Variants in TRMT10A observed in about 807,000 individuals in gnomAD.
TRMT10A encodes the protein tRNA methyltransferase 10 homolog A.
In TRMT10A, 37 loss-of-function variants were observed where a neutral mutation model predicts 40.4. That is an observed-to-expected ratio of 0.92 (90% CI 0.71 to 1.21). The LOEUF is 1.21. Among genes scored for constraint, TRMT10A ranks in the 50% most tolerant of loss-of-function variants. The pLI is 0.00. For synonymous variants in TRMT10A, 103 were observed against 134.1 expected (o/e 0.77, Z 1.60); for missense variants, 388 against 404.3 (o/e 0.96, Z 0.35).
Position 99,557,368 on chromosome 4 carries a change from G to A in TRMT10A, c.397C>T (p.Arg133Ter), listed in dbSNP as rs752374367. The change falls in exon 4 of 8, where the codon CGA (arginine) becomes TGA (stop). Residue 133 changes from arginine to a stop codon, truncating the protein, a stop_gained. Coordinates refer to ENST00000394876, the MANE Select transcript of TRMT10A (RefSeq NM_001134665.3). LOFTEE classifies it high-confidence loss of function. ...ACCTGCACAGGATGCAGTGCCCGTC[G>A]GTTTTCTGCGTAACATCGTTGAATC... ...KQIQRCYAEN[R>*]RALHPVQFYL... is the part of the protein sequence containing the mutation. 9 of 1,613,244 alleles carry A rather than the reference G, an allele frequency of 5.6e-6. No homozygotes were observed. Among genetic ancestry groups the A allele is most frequent in the Admixed American group, 1.7e-5 (1 of 59,952 alleles).
intron 1 of TRMT10A, among the ~76,000 whole-genome samples, chr4:99,562,031 C>A (rs567705806): frequency 6.6e-6 from 1 of 151,730 alleles, no homozygotes; most frequent in African/African-American, 2.4e-5. Context: ...ATTAGCCAGG[C>A]GTGGTAGTGG....
At position 99,553,886 on chromosome 4, in the gene TRMT10A, C is replaced by G; in HGVS notation, c.544G>C (p.Asp182His). The change falls in exon 6 of 8, where the codon GAC becomes CAC. Residue 182 changes from aspartate to histidine, a missense_variant. Coordinates refer to ENST00000394876, the MANE Select transcript of TRMT10A (RefSeq NM_001134665.3). ...EHYSELIKKE[D>H]LIYLTSDSPN... ...GAATCTGACGTAAGGTAAATCAGGT[C>G]TTCTTTCTTTATGAGTTCACTATAG... is the stretch of plus-strand genomic sequence containing the variant. 6.2e-7 allele frequency: 1 copy of G among 1,613,418 alleles called. No individual in the cohort carries two copies. Among genetic ancestry groups the G allele is most frequent in the South Asian group, 1.1e-5 (1 of 91,062 alleles).
At chr4:99,559,926 C>T (rs1307416582) in intron 1 of TRMT10A, among the ~76,000 whole-genome samples, 3 of 152,050 alleles carry the variant, frequency 2.0e-5, no homozygotes, top group Non-Finnish European at 4.4e-5. Flanking sequence ...ATATACATTA[C>T]GACCAACTTT....
chr4:99,555,510 T>C (rs1361515503), intron 5 of TRMT10A, among the ~76,000 whole-genome samples: 5 of 152,208 alleles, frequency 3.3e-5, no homozygotes, highest in Admixed American at 2.6e-4. Context: ...TTTTAAATAT[T>C]CTAGTATCCA....
Position 99,558,149 on chromosome 4 carries a change from T to C in TRMT10A, c.248A>G (p.Asn83Ser), listed in dbSNP as rs1009336925. Residue 83 changes from asparagine to serine, a missense_variant, in exon 3 of 8, where the codon AAC becomes AGC. By Grantham distance (46) the Asn-to-Ser change is conservative. Transcript: ENST00000394876. ...ACGTTTTCTGTCATGTCCATCTGAGTTTGGTTCCATTTGACATTGTCGCTC... is the reference window on the plus strand; with the variant it reads ...ACGTTTTCTGTCATGTCCATCTGAGCTTGGTTCCATTTGACATTGTCGCTC... The part of the protein sequence containing the change: ...KLERQCQMEP[N>S]SDGHDRKRVR... 1 of 1,611,202 alleles carries C rather than the reference T, an allele frequency of 6.2e-7. No homozygotes were observed. The highest frequency in any genetic ancestry group is 8.5e-7 in the Non-Finnish European group (1 of 1,179,046).
At chr4:99,552,477 C>T (rs1029807982) in intron 6 of TRMT10A, among the ~76,000 whole-genome samples, 2 of 152,108 alleles carry the variant, frequency 1.3e-5, no homozygotes, top group African/African-American at 4.8e-5. Flanking sequence ...GTGTAGTAGG[C>T]TATACCATCT....
intron 1 of TRMT10A, chr4:99,563,442 G>T (rs1438779845): frequency 6.1e-6 from 1 of 163,050 alleles, no homozygotes; most frequent in African/African-American, 2.4e-5. Flanking sequence ...GAAAAATGAG[G>T]TAAGGCAGCT....
rs1402438618 is a variant in TRMT10A at position 99,553,778 on chromosome 4, A to G, written c.645+7T>C. 6.3e-7 allele frequency: 1 copy of G among 1,587,990 alleles called. No homozygotes were observed. Reference sequence around the variant, plus strand: ...AAGCAAAAGCAAAAATAAAAATTTAATAGTACCTTGTGATGGTTGTGATCT... The same window carrying G: ...AAGCAAAAGCAAAAATAAAAATTTAGTAGTACCTTGTGATGGTTGTGATCT... On this transcript the variant is annotated splice_region_variant and intron_variant, in intron 6 of 7. Coordinates refer to ENST00000394876, the MANE Select transcript of TRMT10A (RefSeq NM_001134665.3).
rs761543234 is a variant in TRMT10A at position 99,549,208 on chromosome 4, A to C, written c.900T>G (p.Gly300=). Residue 300 remains glycine, a synonymous_variant, in exon 8 of 8, where the codon GGT becomes GGG. Coordinates refer to ENST00000394876, the MANE Select transcript of TRMT10A (RefSeq NM_001134665.3). ...CCTCACTGGAATCACTGTCCGATCC[A>C]CCTTCCTCCATCCTGACAGACTGAT... ...HDNQSVRMEE[G]GSDSDSSEEE... is the part of the protein sequence containing the mutation. The C allele has an allele frequency of 6.2e-7, 1 of 1,614,080 alleles. No homozygotes were observed. The highest frequency in any genetic ancestry group is 1.1e-5 in the South Asian group (1 of 91,080).
rs543244601 is a variant in TRMT10A, at chr4:99,561,611, A to G, written c.-23-2250T>C. On this transcript the variant is annotated intron_variant, in intron 1 of 7. Transcript: ENST00000394876. ...ATTCCGTATAGTATACTTTACAAAG[A>G]TATCTACCAACTCGCACTGTCTACA... Among the ~76,000 whole-genome samples, 26 of 152,344 alleles carry G rather than the reference A, an allele frequency of 1.7e-4. 1 individual carries two copies. The South Asian group carries it at 5.2e-3, about 30-fold the overall frequency.
rs1160967200 is a variant in TRMT10A, at chr4:99,547,341, TG to T, written c.*1746del. The T allele has an allele frequency of 2.6e-5, 4 of 152,136 alleles. No homozygotes were observed. The highest frequency in any genetic ancestry group is 9.7e-5 in the African/African-American group (4 of 41,432). The allele number at this position is 152,136 out of a possible 1,614,324, so 9.4% of individuals were successfully genotyped here. On this transcript the variant is annotated 3_prime_UTR_variant, in exon 8 of 8. Transcript: ENST00000394876. Reference sequence around the variant, plus strand: ...ATTGTGAGTCTGGACATTTAGTCTCTGGAACTGTTAAGAGAATAAATTTCTG... The same window carrying T: ...ATTGTGAGTCTGGACATTTAGTCTCTGAACTGTTAAGAGAATAAATTTCTG...
At chr4:99,549,585 T>C (rs1723884328) in intron 7 of TRMT10A, among the ~76,000 whole-genome samples, 1 of 152,162 alleles carries the variant, frequency 6.6e-6, no homozygotes. Flanking sequence ...CACTCAGAAA[T>C]TTACCAGTAT....
In TRMT10A at chr4:99,547,809, A is replaced by AAAT. The variant is rs1415541737; in HGVS notation, c.*1276_*1278dup. ...ATATATAGTATGTTATATACTTTTT[A>AAAT]AATATAACTTTTATATATTAAAAAG... On this transcript the variant is annotated 3_prime_UTR_variant, in exon 8 of 8. Coordinates refer to ENST00000394876, the MANE Select transcript of TRMT10A (RefSeq NM_001134665.3). The AAAT allele has an allele frequency of 1.3e-5, 2 of 152,038 alleles. No individual in the cohort carries two copies. The highest frequency in any genetic ancestry group is 2.9e-5 in the Non-Finnish European group (2 of 67,972). 9.4% of individuals were successfully genotyped at this position (152,038 alleles called of 1,614,324 possible).
intron 3 of TRMT10A, 69 bp downstream of exon 3, chr4:99,557,980 T>C (rs1724232066): frequency 7.2e-7 from 1 of 1,391,568 alleles, no homozygotes; most frequent in Non-Finnish European, 9.6e-7. Context: ...AAAGGGATAT[T>C]GCATATTAAA....
intron 1 of TRMT10A, chr4:99,563,675 C>T (rs910698502): frequency 3.0e-6 from 1 of 335,690 alleles, no homozygotes; most frequent in South Asian, 2.3e-5. Flanking sequence ...AAACGCATTT[C>T]AGAGACGGGA....
chr4:99,557,266 A>G, intron 4 of TRMT10A, 79 bp downstream of exon 4: 1 of 1,408,732 alleles, frequency 7.1e-7, no homozygotes, highest in South Asian at 1.3e-5. Flanking sequence ...TACTGCAAAG[A>G]CTATAGGAAT....
At chr4:99,562,063 C>T (rs898847929) in intron 1 of TRMT10A, among the ~76,000 whole-genome samples, 1 of 151,126 alleles carries the variant, frequency 6.6e-6, no homozygotes, top group Non-Finnish European at 1.5e-5. Flanking sequence ...TCCAGCTACT[C>T]GGGAGGCTGA....
chr4:99,562,278 A>T (rs1724444902), intron 1 of TRMT10A, among the ~76,000 whole-genome samples: 1 of 150,946 alleles, frequency 6.6e-6, no homozygotes. Flanking sequence ...TCATTCGCAG[A>T]CATAGGTTAT....
At chr4:99,550,062 C>A (rs534018261) in intron 7 of TRMT10A, among the ~76,000 whole-genome samples, 3 of 151,638 alleles carry the variant, frequency 2.0e-5, no homozygotes, top group Non-Finnish European at 2.9e-5. Flanking sequence ...AGGCAAAGAC[C>A]GGTACAAGGA....
Sources: allele counts gnomAD v4.1 joint callset (sites outside exome capture counted in the v4.1 genomes callset), GRCh38; gene constraint gnomAD v4.1.1; transcripts MANE v1.5; gene names NCBI Gene and HGNC (gene_info 2026-07-23, HGNC 2026-07-21).